The following SGCZ variants were observed in gnomAD, a reference collection of about 807,000 sequenced individuals.
SGCZ encodes the protein zeta-sarcoglycan.
A neutral mutation model predicts 41.3 loss-of-function variants in SGCZ; 40 were observed. The observed-to-expected ratio is 0.97, with a 90% CI of 0.75 to 1.26. SGCZ has a LOEUF of 1.26. SGCZ is among the 50% of genes most tolerant of loss of function. SGCZ has a pLI of 0.00. For synonymous variants in SGCZ, 206 were observed against 137.5 expected (o/e 1.50, Z -3.49); for missense variants, 552 against 369.8 (o/e 1.49, Z -4.04).
intron 1 of SGCZ, among the ~76,000 whole-genome samples, chr8:14,801,182 T>A (rs532078069): frequency 4.6e-5 from 7 of 152,330 alleles, no homozygotes; most frequent in Admixed American, 2.6e-4. Flanking sequence ...TATGTGTGTT[T>A]GTGTTGTGTG....
chr8:14,456,751 T>C (rs1800756513), intron 2 of SGCZ, among the ~76,000 whole-genome samples: 1 of 152,190 alleles, frequency 6.6e-6, no homozygotes, highest in South Asian at 2.1e-4. Flanking sequence ...TGTTGAATTG[T>C]CATCTCCAAT....
At chr8:14,169,989 A>G (rs999201448) in intron 4 of SGCZ, among the ~76,000 whole-genome samples, 2 of 152,184 alleles carry the variant, frequency 1.3e-5, no homozygotes, top group East Asian at 3.9e-4. Flanking sequence ...TATTACTTGA[A>G]TCAGTAAGTT....
intron 1 of SGCZ, among the ~76,000 whole-genome samples, chr8:14,897,538 T>C (rs1458901819): frequency 1.3e-5 from 2 of 152,172 alleles, no homozygotes; most frequent in African/African-American, 4.8e-5. Context: ...GGCATCCAAA[T>C]TGCACCCTCA....
intron 3 of SGCZ, among the ~76,000 whole-genome samples, chr8:14,302,107 G>A (rs1439154797): frequency 6.6e-6 from 1 of 152,084 alleles, no homozygotes; most frequent in African/African-American, 2.4e-5. Context: ...ATGCATCACT[G>A]TAATTGAATC....
intron 1 of SGCZ, among the ~76,000 whole-genome samples, chr8:14,801,836 AG>A (rs34052118): frequency 0.33 from 49,864 of 151,984 alleles, 9,665 homozygotes; most frequent in East Asian, 0.49. Flanking sequence ...AATATACAAG[AG>A]GATGGTTAGA....
intron 2 of SGCZ, among the ~76,000 whole-genome samples, chr8:14,400,185 G>A (rs960390646): frequency 2.0e-5 from 3 of 149,968 alleles, no homozygotes; most frequent in South Asian, 2.1e-4. Flanking sequence ...CTAATAGCGT[G>A]TATTGATACT....
chr8:14,371,891 G>A (rs1230370494), intron 2 of SGCZ, among the ~76,000 whole-genome samples: 1 of 152,056 alleles, frequency 6.6e-6, no homozygotes, highest in Non-Finnish European at 1.5e-5. Flanking sequence ...TATGCCTTGA[G>A]GGTTAAAGAA....
chr8:15,068,719 T>G (rs1805242281), intron 1 of SGCZ, among the ~76,000 whole-genome samples: 1 of 152,240 alleles, frequency 6.6e-6, no homozygotes, highest in South Asian at 2.1e-4. Flanking sequence ...AGTATCTATT[T>G]GCAAAAATCT....
intron 1 of SGCZ, among the ~76,000 whole-genome samples, chr8:14,633,496 A>C (rs568550679): frequency 6.6e-6 from 1 of 151,934 alleles, no homozygotes; most frequent in African/African-American, 2.4e-5. Flanking sequence ...AAGCAAAATC[A>C]TTTATTATTT....
chr8:14,333,926 G>T (rs1434949801), intron 2 of SGCZ, among the ~76,000 whole-genome samples: 1 of 152,112 alleles, frequency 6.6e-6, no homozygotes, highest in African/African-American at 2.4e-5. Context: ...TAAAGATTCA[G>T]TTGCGTCCTA....
intron 1 of SGCZ, among the ~76,000 whole-genome samples, chr8:14,803,325 T>C (rs1240221375): frequency 6.6e-6 from 1 of 152,064 alleles, no homozygotes; most frequent in Non-Finnish European, 1.5e-5. Flanking sequence ...ACCGGATTCA[T>C]CTCACTAGGG....
chr8:14,302,403 G>T (rs1350744635), intron 3 of SGCZ, among the ~76,000 whole-genome samples: 1 of 152,080 alleles, frequency 6.6e-6, no homozygotes, highest in African/African-American at 2.4e-5. Context: ...TTTCAGAGAA[G>T]CTTCTATCAC....
In SGCZ at chr8:14,695,848, C is replaced by G. The variant is rs75300530; in HGVS notation, c.40-140922G>C. On this transcript the variant is annotated intron_variant, in intron 1 of 7. Transcript: ENST00000382080. ...ATGATTAACATATAATAAAACAAGA[C>G]AAAGGCATTGCTAGATCAATAAAGA... Among the ~76,000 whole-genome samples, 1,337 of 152,006 alleles carry G rather than the reference C, an allele frequency of 8.8e-3. 17 individuals carry two copies. The highest frequency in any genetic ancestry group is 0.03 in the African/African-American group (1,250 of 41,462).
At chr8:14,768,166 T>C (rs182788065) in intron 1 of SGCZ, among the ~76,000 whole-genome samples, 84 of 152,332 alleles carry the variant, frequency 5.5e-4, no homozygotes, top group African/African-American at 1.9e-3. Context: ...ACTTATGTAT[T>C]ACAAGCATTC....
At chr8:14,362,716 G>A (rs2117137575) in intron 2 of SGCZ, among the ~76,000 whole-genome samples, 1 of 152,200 alleles carries the variant, frequency 6.6e-6, no homozygotes, top group African/African-American at 2.4e-5. Context: ...TCACCAACCA[G>A]TCCCAGTGAG....
intron 3 of SGCZ, among the ~76,000 whole-genome samples, chr8:14,241,334 G>C (rs770238318): frequency 6.6e-6 from 1 of 151,100 alleles, no homozygotes; most frequent in African/African-American, 2.4e-5. Flanking sequence ...TCATGGAATA[G>C]TAATCAGATA....
intron 2 of SGCZ, among the ~76,000 whole-genome samples, chr8:14,441,074 G>A (rs1219881808): frequency 2.0e-5 from 3 of 152,106 alleles, no homozygotes; most frequent in African/African-American, 7.2e-5. Context: ...GGGGTGCACT[G>A]ATACAGGACC....
intron 5 of SGCZ, among the ~76,000 whole-genome samples, chr8:14,154,144 G>T (rs933358712): frequency 1.3e-5 from 2 of 152,090 alleles, no homozygotes; most frequent in African/African-American, 2.4e-5. Flanking sequence ...GCCGAGGCGG[G>T]TGGATCATGA....
chr8:14,197,669 T>C (rs1028379745), intron 4 of SGCZ, among the ~76,000 whole-genome samples: 5 of 152,070 alleles, frequency 3.3e-5, no homozygotes, highest in Admixed American at 1.3e-4. Flanking sequence ...CTCTACCTTA[T>C]AAAGGGCATT....
Sources: gnomAD v4.1 joint callset for allele counts (sites outside exome capture counted in the v4.1 genomes callset) on GRCh38, gnomAD v4.1.1 for gene constraint, MANE v1.5 for transcripts, NCBI Gene and HGNC (gene_info 2026-07-23, HGNC 2026-07-21) for gene names.